Variants in CASS4 observed in about 807,000 individuals in gnomAD.
CASS4 encodes the protein cas scaffolding protein family member 4.
In CASS4, 22 loss-of-function variants were observed where a neutral mutation model predicts 54.2. That is an observed-to-expected ratio of 0.41 (90% confidence interval 0.29 to 0.58). The LOEUF (loss-of-function observed/expected upper bound fraction) is 0.58. Among genes scored for constraint, CASS4 ranks in the 20% least tolerant of loss-of-function variants. CASS4 has a pLI of 0.36. For synonymous variants in CASS4, 409 were observed against 391.5 expected, an observed-to-expected ratio of 1.04 and a Z score of -0.53; for missense variants, 854 against 986.7, an observed-to-expected ratio of 0.87 and a Z score of 1.80.
chr20:56,444,363 T>G (rs1980606508), intron 2 of CASS4, among the ~76,000 whole-genome samples: 1 of 152,096 alleles, frequency 6.6e-6, no homozygotes, highest in Non-Finnish European at 1.5e-5. Context: ...AACAGCTCCT[T>G]GGGACGCCAG....
intron 3 of CASS4, among the ~76,000 whole-genome samples, chr20:56,449,029 A>C (rs545322831): frequency 6.6e-6 from 1 of 152,330 alleles, no homozygotes; most frequent in African/African-American, 2.4e-5. Context: ...AACTAGTTCA[A>C]CCATTGTGGA....
chr20:56,444,184 A>G (rs1001897216), intron 2 of CASS4, among the ~76,000 whole-genome samples: 1 of 152,166 alleles, frequency 6.6e-6, no homozygotes, highest in African/African-American at 2.4e-5. Context: ...ACAAACAGAT[A>G]AATCTAGCAT....
intron 1 of CASS4, among the ~76,000 whole-genome samples, chr20:56,431,773 T>A (rs1422153367): frequency 6.6e-6 from 1 of 152,242 alleles, no homozygotes; most frequent in Admixed American, 6.5e-5. Context: ...TCTAAAGATA[T>A]GCACTATCTT....
chr20:56,450,613 G>A lies in CASS4; in HGVS notation c.576G>A (p.Gln192=). 3 of 1,614,160 alleles carry A rather than the reference G, an allele frequency of 1.9e-6. No homozygotes were observed. The South Asian group carries it at 3.3e-5, about 18-fold the overall frequency. ...TCTTTCCCCAGGAGCCAGAGAAGCA[G>A]CAGTTATATGACATACCAGCCAGCC... The part of the protein sequence containing the change: ...GPVVLKEPEK[Q]QLYDIPASPK... The change falls in exon 4 of 6, where the codon CAG becomes CAA. Residue 192 remains glutamine, a synonymous_variant. Transcript: ENST00000679887.
At chr20:56,428,374 G>A (rs974109609) in intron 1 of CASS4, among the ~76,000 whole-genome samples, 1 of 152,116 alleles carries the variant, frequency 6.6e-6, no homozygotes, top group Non-Finnish European at 1.5e-5. Context: ...GGGGCTTTGG[G>A]GTAAAGATTG....
chr20:56,443,994 A>C (rs1344526352), intron 2 of CASS4, among the ~76,000 whole-genome samples: 1 of 152,174 alleles, frequency 6.6e-6, no homozygotes, highest in Non-Finnish European at 1.5e-5. Flanking sequence ...TCGTCACTCA[A>C]CGAAGGGGGC....
intron 3 of CASS4, among the ~76,000 whole-genome samples, chr20:56,450,029 G>T (rs1042221015): frequency 2.1e-5 from 3 of 142,500 alleles, no homozygotes; most frequent in Non-Finnish European, 4.5e-5. Context: ...TGGTTGAGAG[G>T]TCTTTTTTTT....
At chr20:56,451,647 C>T (rs1052559446) in intron 4 of CASS4, among the ~76,000 whole-genome samples, 172 bp from the exon 5 acceptor site, 2 of 152,008 alleles carry the variant, frequency 1.3e-5, no homozygotes, top group African/African-American at 4.8e-5. Context: ...GTGGGGTCAG[C>T]GTGGTGGAAG....
chr20:56,459,146 G>A lies in CASS4; in HGVS notation c.*399G>A, dbSNP rs1981481106. On this transcript the variant is annotated 3_prime_UTR_variant, in exon 6 of 6. Coordinates refer to ENST00000679887, the MANE Select transcript of CASS4 (RefSeq NM_020356.4). ...GCTCACTGCAACCTCCGCCTTCTGG[G>A]TTGAAGCAATTCTCCCGCCTCAGCC... The A allele has an allele frequency of 5.9e-6, 1 of 170,072 alleles. No homozygotes were observed. Among genetic ancestry groups the A allele is most frequent in the Non-Finnish European group, 1.3e-5 (1 of 78,398 alleles). 10.5% of individuals were successfully genotyped at this position (170,072 alleles called of 1,614,324 possible).
intron 1 of CASS4, among the ~76,000 whole-genome samples, chr20:56,427,259 G>A (rs1370365790): frequency 6.6e-6 from 1 of 151,368 alleles, no homozygotes; most frequent in East Asian, 1.9e-4. Context: ...CCTCCCAGAA[G>A]AAGTGTCTGT....
chr20:56,433,916 A>G (rs1224617312), intron 1 of CASS4, among the ~76,000 whole-genome samples: 1 of 152,136 alleles, frequency 6.6e-6, no homozygotes, highest in African/African-American at 2.4e-5. Context: ...CAGGGAGGTG[A>G]CACATCCCCC....
Position 56,412,323 on chromosome 20 carries a change from CCATGTGTTGT to C in CASS4, c.-133_-124del, listed in dbSNP as rs1222056256. 1 of 922,834 alleles carries C rather than the reference CCATGTGTTGT, an allele frequency of 1.1e-6. No individual in the cohort carries two copies. Among genetic ancestry groups the C allele is most frequent in the African/African-American group, 1.7e-5 (1 of 60,012 alleles). The allele number at this position is 922,834 out of a possible 1,614,324, so 57.2% of individuals were successfully genotyped here. On this transcript the variant is annotated 5_prime_UTR_variant, in exon 1 of 6. An upstream start codon of the reference 5' UTR is lost. Transcript: ENST00000679887. The surrounding 1 kb of genome is among the most constrained non-coding windows in gnomAD (Gnocchi z 4.2). Reference sequence around the variant, plus strand: ...CTGGGAGAGTCTTTTTGATCGTTTCCCATGTGTTGTCAGATAGCTCCATAGAATTCAGTTT... The same window carrying C: ...CTGGGAGAGTCTTTTTGATCGTTTCCCAGATAGCTCCATAGAATTCAGTTT...
At chr20:56,450,468 C>A in intron 3 of CASS4, 131 bp from the exon 4 acceptor site, 1 of 818,122 alleles carries the variant, frequency 1.2e-6, no homozygotes, top group Non-Finnish European at 2.0e-6. Context: ...GCATCATGAC[C>A]AAAAGCACCG....
At chr20:56,447,696 C>G (rs796538136) in intron 3 of CASS4, among the ~76,000 whole-genome samples, 3 of 152,348 alleles carry the variant, frequency 2.0e-5, no homozygotes, top group African/African-American at 7.2e-5. Flanking sequence ...GCAGGCAGGT[C>G]ATTTCCAGCC....
intron 1 of CASS4, among the ~76,000 whole-genome samples, chr20:56,424,151 A>G (rs1979532428): frequency 6.6e-6 from 1 of 152,238 alleles, no homozygotes; most frequent in African/African-American, 2.4e-5. Context: ...GCAAGAAACT[A>G]CTTAGCTATC....
At chr20:56,447,996 G>A (rs1169579979) in intron 3 of CASS4, among the ~76,000 whole-genome samples, 2 of 152,120 alleles carry the variant, frequency 1.3e-5, no homozygotes, top group African/African-American at 2.4e-5. Flanking sequence ...CAAAAAGTTA[G>A]CCGGGCATGG....
intron 5 of CASS4, chr20:56,453,787 T>G (rs986542994): frequency 2.0e-5 from 3 of 152,318 alleles, no homozygotes; most frequent in Non-Finnish European, 4.4e-5. Flanking sequence ...AGTGGGGGTA[T>G]CCCTTGAGAC....
chr20:56,427,190 A>AAAAC (rs1353849140), intron 1 of CASS4, among the ~76,000 whole-genome samples: 3 of 151,658 alleles, frequency 2.0e-5, no homozygotes, highest in Admixed American at 2.0e-4. Flanking sequence ...AAAAAAAAAA[A>AAAAC]AACCCTCTGT....
At chr20:56,456,462 C>T (rs1981303620) in intron 5 of CASS4, among the ~76,000 whole-genome samples, 2 of 152,106 alleles carry the variant, frequency 1.3e-5, no homozygotes, top group Admixed American at 1.3e-4. Context: ...CAATCTCCGC[C>T]TCACAGGTTC....
Sources: gnomAD v4.1 joint callset for allele counts (sites outside exome capture counted in the v4.1 genomes callset) on GRCh38, gnomAD v4.1.1 for gene constraint, Gnocchi (gnomAD v3.1) non-coding constraint, MANE v1.5 for transcripts, NCBI Gene and HGNC (gene_info 2026-07-23, HGNC 2026-07-21) for gene names.